PDK1: variants seen among roughly 807,000 people sequenced by gnomAD.
PDK1 encodes the protein [Pyruvate dehydrogenase (acetyl-transferring)] kinase isozyme 1, mitochondrial.
In PDK1, 39 loss-of-function variants were observed where a neutral mutation model predicts 54.2. The observed-to-expected ratio is 0.72, with a 90% CI of 0.56 to 0.94. The LOEUF is 0.94. PDK1 is among the 40% of genes least tolerant of loss of function. The pLI, the probability that PDK1 is intolerant of heterozygous loss-of-function variation, is 0.00. For synonymous variants in PDK1, 221 were observed against 207.1 expected, an observed-to-expected ratio of 1.07 and a Z score of -0.58; for missense variants, 552 against 566.0, an observed-to-expected ratio of 0.98 and a Z score of 0.25.
intron 9 of PDK1, among the ~76,000 whole-genome samples, chr2:172,589,527 C>T (rs541299145): frequency 6.6e-6 from 1 of 152,316 alleles, no homozygotes; most frequent in Non-Finnish European, 1.5e-5. Context: ...CCTCTGAACT[C>T]CTGCTGGGTT....
At chr2:172,622,128 T>TTA in the PDK1 span, among the ~76,000 whole-genome samples, 5 of 108,536 alleles carry the variant, frequency 4.6e-5, no homozygotes, top group African/African-American at 1.3e-4. Context: ...TGTTTATATC[T>TTA]CATATTATGT....
intron 8 of PDK1, among the ~76,000 whole-genome samples, chr2:172,571,988 C>G (rs530003350): frequency 1.1e-4 from 16 of 151,976 alleles, no homozygotes; most frequent in African/African-American, 3.9e-4. Context: ...CCCGCCACCA[C>G]GCCTAGCTAA....
At chr2:172,591,015 T>G (rs1264459850) in intron 9 of PDK1, among the ~76,000 whole-genome samples, 1 of 152,182 alleles carries the variant, frequency 6.6e-6, no homozygotes, top group Non-Finnish European at 1.5e-5. Context: ...GAAGGGGCCC[T>G]GCAGTTGTAG....
chr2:172,649,387 G>T, the PDK1 span, among the ~76,000 whole-genome samples: 4 of 152,304 alleles, frequency 2.6e-5, no homozygotes, highest in African/African-American at 9.6e-5. Context: ...AGAAACCAGA[G>T]CAGAAAAGCT....
chr2:172,573,524 T>C (rs1689402798), intron 8 of PDK1, among the ~76,000 whole-genome samples: 1 of 151,158 alleles, frequency 6.6e-6, no homozygotes, highest in South Asian at 2.1e-4. Context: ...TACACACACA[T>C]ACATATACAT....
intron 8 of PDK1, among the ~76,000 whole-genome samples, chr2:172,577,361 C>T (rs11890159): frequency 0.18 from 26,736 of 151,906 alleles, 2,823 homozygotes; most frequent in African/African-American, 0.28. Flanking sequence ...TTATAGCATA[C>T]AGTTAGAATT....
chr2:172,658,393 A>G, the PDK1 span, among the ~76,000 whole-genome samples: 1 of 152,196 alleles, frequency 6.6e-6, no homozygotes, highest in Non-Finnish European at 1.5e-5. Flanking sequence ...CTGAGGATGT[A>G]TATCACCTCA....
At chr2:172,682,428 G>C in the PDK1 span, among the ~76,000 whole-genome samples, 3 of 152,244 alleles carry the variant, frequency 2.0e-5, no homozygotes, top group Non-Finnish European at 4.4e-5. Flanking sequence ...GGCCACTGCA[G>C]TGAGAATGAT....
At chr2:172,686,673 T>A in the PDK1 span, among the ~76,000 whole-genome samples, 1 of 152,206 alleles carries the variant, frequency 6.6e-6, no homozygotes, top group East Asian at 1.9e-4. Context: ...TTGCTGCTGC[T>A]CACTGTCTGC....
the PDK1 span, among the ~76,000 whole-genome samples, chr2:172,618,852 G>A: frequency 1.3e-5 from 2 of 152,176 alleles, no homozygotes; most frequent in Non-Finnish European, 1.5e-5. Flanking sequence ...GCTCTTCAGA[G>A]TTGTCCCACA....
At chr2:172,676,640 T>C in the PDK1 span, among the ~76,000 whole-genome samples, 2 of 152,212 alleles carry the variant, frequency 1.3e-5, no homozygotes, top group Non-Finnish European at 2.9e-5. Flanking sequence ...TGAGATGGAC[T>C]TTACTCCTGA....
intron 8 of PDK1, among the ~76,000 whole-genome samples, chr2:172,584,647 T>TGC (rs1690109069): frequency 1.2e-5 from 1 of 84,120 alleles, no homozygotes; most frequent in African/African-American, 6.0e-5. Flanking sequence ...GGTACATGCT[T>TGC]TTTTTTTTTT....
At chr2:172,639,996 C>G in the PDK1 span, among the ~76,000 whole-genome samples, 1 of 152,184 alleles carries the variant, frequency 6.6e-6, no homozygotes, top group Non-Finnish European at 1.5e-5. Flanking sequence ...TGACATTTGC[C>G]TCAGCAACAG....
At chr2:172,622,600 CAT>C in the PDK1 span, among the ~76,000 whole-genome samples, 1,964 of 141,544 alleles carry the variant, frequency 0.014, 45 homozygotes, top group African/African-American at 0.048. Context: ...GTTTATATCT[CAT>C]ATATTATGTG....
the PDK1 span, among the ~76,000 whole-genome samples, chr2:172,699,559 GTC>G: frequency 6.8e-6 from 1 of 147,696 alleles, no homozygotes; most frequent in Non-Finnish European, 1.5e-5. Flanking sequence ...AGACCACTCA[GTC>G]TCTGTGGGAC....
chr2:172,693,433 T>C, the PDK1 span, among the ~76,000 whole-genome samples: 9 of 152,250 alleles, frequency 5.9e-5, no homozygotes, highest in African/African-American at 1.9e-4. Context: ...GCTTTTGTTT[T>C]CTTCTCTGTA....
At chr2:172,712,601 T>G in the PDK1 span, among the ~76,000 whole-genome samples, 1 of 152,178 alleles carries the variant, frequency 6.6e-6, no homozygotes, top group Non-Finnish European at 1.5e-5. Context: ...CCAGGTGTAC[T>G]GCAAGCGGCT....
chr2:172,713,735 C>T, the PDK1 span, among the ~76,000 whole-genome samples: 1 of 152,244 alleles, frequency 6.6e-6, no homozygotes, highest in Non-Finnish European at 1.5e-5. Context: ...CAGGGATGCC[C>T]AGGTCCTGCA....
At chr2:172,692,350 ATAG>A in the PDK1 span, among the ~76,000 whole-genome samples, 2 of 152,216 alleles carry the variant, frequency 1.3e-5, no homozygotes, top group Non-Finnish European at 2.9e-5. Context: ...GGATTATATA[ATAG>A]TAGTTTACAA....
Sources: gnomAD v4.1 joint callset for allele counts (sites outside exome capture counted in the v4.1 genomes callset) on GRCh38, gnomAD v4.1.1 for gene constraint, MANE v1.5 for transcripts, NCBI Gene and HGNC (gene_info 2026-07-23, HGNC 2026-07-21) for gene names.